Variants in PRDM16 observed in about 807,000 individuals in gnomAD.
The protein encoded by PRDM16 is histone-lysine N-methyltransferase PRDM16.
In PRDM16, 23 loss-of-function variants were observed where a neutral mutation model predicts 110.6. The observed-to-expected ratio is 0.21, with a 90% CI of 0.15 to 0.29. The LOEUF is 0.29. Ranked by LOEUF, PRDM16 falls within the 10% of genes least tolerant of loss-of-function variation. The pLI is 1.00. For missense variants in PRDM16, 1,615 were observed against 1,794.3 expected, an observed-to-expected ratio of 0.90 and a Z score of 1.81; for synonymous variants, 799 against 781.8, an observed-to-expected ratio of 1.02 and a Z score of -0.37.
intron 2 of PRDM16, among the ~76,000 whole-genome samples, chr1:3,222,543 C>G (rs749542011): frequency 7.2e-5 from 11 of 152,218 alleles, no homozygotes; most frequent in South Asian, 4.1e-4. Flanking sequence ...CCCTGCCAAC[C>G]AATGGTGCTG....
intron 3 of PRDM16, among the ~76,000 whole-genome samples, chr1:3,333,808 G>A (rs908097765): frequency 2.5e-4 from 38 of 152,166 alleles, no homozygotes; most frequent in African/African-American, 8.2e-4. Context: ...TAGCTCATGC[G>A]AGATCTGCTT....
Position 3,385,034 on chromosome 1 carries a change from A to G in PRDM16, c.439-118A>G. On this transcript the variant is annotated intron_variant, in intron 3 of 16. Coordinates refer to ENST00000270722, the MANE Select transcript of PRDM16 (RefSeq NM_022114.4). The stretch of plus-strand genomic sequence containing the variant: ...GCCCGGAGGGTGGGCTGAGGTCTGG[A>G]CGCCGACTTGCCTTCCTACTTGAGC... 4.6e-6 allele frequency: 6 copies of G among 1,292,344 alleles called. 1 individual carries two copies. In the South Asian group the frequency reaches 6.6e-5, roughly 14 times the overall value. The allele number at this position is 1,292,344 out of a possible 1,614,324, so 80.1% of individuals were successfully genotyped here. A position where few individuals can be genotyped will look rare whatever the true frequency, so the allele number is the denominator to read the frequency against.
chr1:3,397,121 A>G (rs1162117631), intron 5 of PRDM16, among the ~76,000 whole-genome samples: 1 of 152,184 alleles, frequency 6.6e-6, no homozygotes, highest in Non-Finnish European at 1.5e-5. Context: ...ATGATGGCAT[A>G]TGTATCTTTC....
chr1:3,419,482 C>G (rs1439725071), intron 12 of PRDM16, among the ~76,000 whole-genome samples: 1 of 152,152 alleles, frequency 6.6e-6, no homozygotes, highest in African/African-American at 2.4e-5. Context: ...CCATGAATCA[C>G]CGGGGTCAGT....
chr1:3,417,745 T>C (rs1253221505), intron 10 of PRDM16, 83 bp from the exon 11 acceptor site: 7 of 1,177,472 alleles, frequency 5.9e-6, no homozygotes, highest in African/African-American at 3.1e-5. Context: ...GATATGCTGT[T>C]GTACAGAACC....
intron 1 of PRDM16, among the ~76,000 whole-genome samples, chr1:3,168,470 T>C (rs1219948350): frequency 6.6e-6 from 1 of 150,652 alleles, no homozygotes; most frequent in African/African-American, 2.4e-5. Flanking sequence ...GAAAGATTGT[T>C]GAGACTTGTA....
intron 3 of PRDM16, among the ~76,000 whole-genome samples, chr1:3,354,032 T>C (rs574830682): frequency 6.6e-6 from 1 of 152,320 alleles, no homozygotes; most frequent in East Asian, 1.9e-4. Context: ...GCCACGCCCA[T>C]GGAACCGGGT....
At chr1:3,346,493 G>C (rs1487707184) in intron 3 of PRDM16, among the ~76,000 whole-genome samples, 1 of 152,142 alleles carries the variant, frequency 6.6e-6, no homozygotes, top group Non-Finnish European at 1.5e-5. Flanking sequence ...GCTCCTCCTG[G>C]AGCACCCGCG....
At position 3,151,962 on chromosome 1, in the gene PRDM16, G is replaced by A. The variant is rs547233696; in HGVS notation, c.38-34163G>A. On this transcript the variant is annotated intron_variant, in intron 1 of 16. Coordinates refer to ENST00000270722, the MANE Select transcript of PRDM16 (RefSeq NM_022114.4). ...CATCCCACTCTTGGAGAGAACAGGG[G>A]TCTGGTGGGTGGGAGTCTGCTCTGT... Among the ~76,000 whole-genome samples the A allele has an allele frequency of 3.9e-5, 6 of 152,346 alleles. No individual in the cohort carries two copies. In the South Asian group the frequency reaches 1.2e-3, roughly 32 times the overall value.
At chr1:3,092,524 G>A (rs1642301388) in intron 1 of PRDM16, among the ~76,000 whole-genome samples, 1 of 152,206 alleles carries the variant, frequency 6.6e-6, no homozygotes, top group Non-Finnish European at 1.5e-5. Flanking sequence ...GTGGCAAAAT[G>A]TACTGTTTAG....
intron 3 of PRDM16, among the ~76,000 whole-genome samples, chr1:3,364,332 T>C (rs1642771202): frequency 6.6e-6 from 1 of 152,164 alleles, no homozygotes; most frequent in Non-Finnish European, 1.5e-5. Context: ...TTCCATGAAG[T>C]GGCCCCCAAG....
rs1451316777 is a variant in PRDM16, at chr1:3,405,534, T to A, written c.1072T>A (p.Ser358Thr). ...DPSNLQRHIR[S>T]QHVGARAHAC... is the part of the protein sequence containing the mutation. ...CAGCAACCTTCAGCGGCACATCCGCTCGCAGCACGTGGGCGCTCGGGCCCA... is the reference window on the plus strand; with the variant it reads ...CAGCAACCTTCAGCGGCACATCCGCACGCAGCACGTGGGCGCTCGGGCCCA... The change falls in exon 8 of 17, where the codon TCG (serine) becomes ACG (threonine). Residue 358 changes from serine to threonine, a missense_variant. This residue lies in a region of PRDM16 where 82 missense variants were observed against 144.4 expected (regional missense o/e 0.57). Transcript: ENST00000270722. The A allele has an allele frequency of 6.2e-7, 1 of 1,603,740 alleles. No individual in the cohort carries two copies. Among genetic ancestry groups the A allele is most frequent in the Non-Finnish European group, 8.5e-7 (1 of 1,175,590 alleles).
chr1:3,071,316 G>A (rs1221591129), intron 1 of PRDM16, among the ~76,000 whole-genome samples: 1 of 152,272 alleles, frequency 6.6e-6, no homozygotes, highest in Non-Finnish European at 1.5e-5. Context: ...CTCAGGACCA[G>A]AAGTGGTGCC....
chr1:3,279,418 G>T (rs551486368), intron 3 of PRDM16, among the ~76,000 whole-genome samples: 3 of 152,236 alleles, frequency 2.0e-5, no homozygotes, highest in African/African-American at 4.8e-5. Context: ...CGCTCCGGGC[G>T]AGGGACCAAG....
At chr1:3,247,464 C>T (rs1459561897) in intron 3 of PRDM16, among the ~76,000 whole-genome samples, 2 of 152,178 alleles carry the variant, frequency 1.3e-5, no homozygotes, top group Admixed American at 1.3e-4. Flanking sequence ...AGGACTGTGG[C>T]GCGGGGCCTG....
At chr1:3,186,703 C>G in intron 2 of PRDM16, 1 of 460,232 alleles carries the variant, frequency 2.2e-6, no homozygotes, top group Non-Finnish European at 3.8e-6. Flanking sequence ...CGCCCACTCT[C>G]TCCCGGAAAT....
rs12726710 is a variant in PRDM16 at position 3,396,399 on chromosome 1, C to T, written c.574-92C>T. ...GGAAAATCAAGTGCAGGCCGAGCTG[C>T]GTCCACAGTGTGAGGGCTGAGTGTG... On this transcript the variant is annotated intron_variant, in intron 4 of 16. Transcript: ENST00000270722. 136,390 of 763,134 alleles carry T rather than the reference C, an allele frequency of 0.18. 14,116 individuals carry two copies. Among genetic ancestry groups the T allele is most frequent in the Middle Eastern group, 0.27 (1,202 of 4,450 alleles). The allele number at this position is 763,134 out of a possible 1,614,324, so 47.3% of individuals were successfully genotyped here.
In PRDM16 at chr1:3,244,861, C is replaced by T. The variant is rs965059281; in HGVS notation, c.438+724C>T. ...CTGTTCAGCAGCCAGAACTCCTCTT[C>T]GACGGGATATGCATTGCCTGCACGC... is the stretch of plus-strand genomic sequence containing the variant. On this transcript the variant is annotated intron_variant, in intron 3 of 16. Coordinates refer to ENST00000270722, the MANE Select transcript of PRDM16 (RefSeq NM_022114.4). The surrounding 1 kb of genome is among the most constrained non-coding windows in gnomAD (Gnocchi z 4.1). Among the ~76,000 whole-genome samples, 9 of 152,126 alleles carry T rather than the reference C, an allele frequency of 5.9e-5. No homozygotes were observed. The highest frequency in any genetic ancestry group is 1.3e-4 in the Non-Finnish European group (9 of 68,036).
chr1:3,330,737 C>G (rs1346674444), intron 3 of PRDM16, among the ~76,000 whole-genome samples: 1 of 152,226 alleles, frequency 6.6e-6, no homozygotes, highest in East Asian at 1.9e-4. Context: ...TTGAGAAGCT[C>G]TTGCAGTCAT....
Sources: gnomAD v4.1 joint callset for allele counts (sites outside exome capture counted in the v4.1 genomes callset) on GRCh38, gnomAD v4.1.1 for gene constraint, gnomAD v4.1.1 regional missense constraint, Gnocchi (gnomAD v3.1) non-coding constraint, MANE v1.5 for transcripts, NCBI Gene and HGNC (gene_info 2026-07-23, HGNC 2026-07-21) for gene names.